Variants in TTC39B observed in about 807,000 individuals in gnomAD.
TTC39B encodes the protein tetratricopeptide repeat domain 39B.
In TTC39B, 92 loss-of-function variants were observed where a neutral mutation model predicts 96.6. The observed-to-expected ratio is 0.95, with a 90% CI of 0.80 to 1.13. The LOEUF is 1.13. TTC39B is among the 50% of genes most tolerant of loss of function. TTC39B has a pLI of 0.00. For missense variants in TTC39B, 955 were observed against 809.3 expected, an observed-to-expected ratio of 1.18 and a Z score of -2.18; for synonymous variants, 367 against 299.4, an observed-to-expected ratio of 1.23 and a Z score of -2.33.
At chr9:15,164,719 T>C (rs1251636577) in exon 20 of TTC39B, 2 of 146,358 alleles carry the variant, frequency 1.4e-5, no homozygotes, top group Non-Finnish European at 3.0e-5. Context: ...ATTCAGGTGT[T>C]TGGATGTTAA....
intron 2 of TTC39B, among the ~76,000 whole-genome samples, chr9:15,237,212 G>C (rs1821823311): frequency 1.3e-5 from 2 of 152,208 alleles, no homozygotes; most frequent in South Asian, 4.1e-4. Context: ...CTACTTGGGA[G>C]GCTGAGGCAG....
chr9:15,177,566 TG>T, intron 18 of TTC39B, 130 bp downstream of exon 18: 1 of 625,176 alleles, frequency 1.6e-6, no homozygotes, highest in Non-Finnish European at 2.8e-6. Context: ...AACACACTAC[TG>T]GATTTTCTTT....
At chr9:15,211,285 C>A (rs753437755) in exon 5 of TTC39B, 2 of 1,564,446 alleles carry the variant, frequency 1.3e-6, no homozygotes, top group African/African-American at 1.4e-5. Context: ...GTTTGTAAAG[C>A]GTCCTTCATG....
At chr9:15,274,541 G>A (rs1823469931) in intron 1 of TTC39B, among the ~76,000 whole-genome samples, 2 of 152,106 alleles carry the variant, frequency 1.3e-5, no homozygotes, top group Admixed American at 1.3e-4. Flanking sequence ...TAGCATCAAA[G>A]CAAGTCCTTT....
At chr9:15,288,315 A>C (rs903430831) in intron 1 of TTC39B, among the ~76,000 whole-genome samples, 8 of 152,180 alleles carry the variant, frequency 5.3e-5, no homozygotes, top group African/African-American at 1.9e-4. Flanking sequence ...CCCAAAAGTT[A>C]TCTTTCGGCC....
At chr9:15,217,352 C>CA (rs910352365) in intron 3 of TTC39B, among the ~76,000 whole-genome samples, 3 of 152,114 alleles carry the variant, frequency 2.0e-5, no homozygotes, top group Non-Finnish European at 4.4e-5. Flanking sequence ...GCCAAACATC[C>CA]ACCTCTGCAT....
At chr9:15,184,677 G>C (rs532454135) in intron 16 of TTC39B, among the ~76,000 whole-genome samples, 1 of 152,318 alleles carries the variant, frequency 6.6e-6, no homozygotes, top group African/African-American at 2.4e-5. Flanking sequence ...ACAGCCAGCA[G>C]CCAGTTATGG....
chr9:15,182,179 C>T, intron 17 of TTC39B, 128 bp downstream of exon 17: 2 of 558,012 alleles, frequency 3.6e-6, no homozygotes. Flanking sequence ...ACCCAGACCC[C>T]TGCAGCTCAA....
intron 17 of TTC39B, among the ~76,000 whole-genome samples, chr9:15,179,420 A>G (rs16932765): frequency 6.6e-6 from 1 of 152,196 alleles, no homozygotes; most frequent in Non-Finnish European, 1.5e-5. Context: ...AATGCTACTT[A>G]ACCAACCAGA....
intron 3 of TTC39B, 30 bp downstream of exon 3, chr9:15,225,887 C>T (rs771670425): frequency 6.3e-7 from 1 of 1,597,458 alleles, no homozygotes; most frequent in Non-Finnish European, 8.6e-7. Context: ...CTCCCCTCTT[C>T]CCCCAGGAAT....
intron 1 of TTC39B, among the ~76,000 whole-genome samples, chr9:15,299,092 A>G (rs1824485630): frequency 6.6e-6 from 1 of 152,170 alleles, no homozygotes; most frequent in Non-Finnish European, 1.5e-5. Flanking sequence ...CTCAGAACAC[A>G]CATGTCCCCA....
intron 8 of TTC39B, among the ~76,000 whole-genome samples, chr9:15,192,925 G>A (rs761895483): frequency 1.3e-5 from 2 of 152,124 alleles, no homozygotes; most frequent in Non-Finnish European, 2.9e-5. Context: ...AGTGTTTCTG[G>A]GCTTAAAGAG....
At chr9:15,177,597 G>A in intron 18 of TTC39B, 100 bp downstream of exon 18, 1 of 764,430 alleles carries the variant, frequency 1.3e-6, no homozygotes, top group Non-Finnish European at 2.2e-6. Context: ...CCAAGTAAGA[G>A]TTTAGCAGTA....
chr9:15,227,561 A>C (rs1352443641), intron 2 of TTC39B, among the ~76,000 whole-genome samples: 1 of 152,168 alleles, frequency 6.6e-6, no homozygotes, highest in African/African-American at 2.4e-5. Flanking sequence ...ATGTCATTAG[A>C]AGACAAGTTA....
At chr9:15,183,119 G>C (rs184609582) in intron 16 of TTC39B, among the ~76,000 whole-genome samples, 2 of 152,082 alleles carry the variant, frequency 1.3e-5, no homozygotes, top group Admixed American at 6.6e-5. Context: ...AGGGTAATTA[G>C]TATCTTCTTG....
At chr9:15,208,052 C>A (rs1197499384) in intron 6 of TTC39B, among the ~76,000 whole-genome samples, 9 of 148,338 alleles carry the variant, frequency 6.1e-5, no homozygotes, top group African/African-American at 1.5e-4. Context: ...ATTTTTGAGA[C>A]AGAGTATTAC....
chr9:15,198,218 G>C (rs1008362494), intron 8 of TTC39B, among the ~76,000 whole-genome samples: 1 of 152,070 alleles, frequency 6.6e-6, no homozygotes, highest in Non-Finnish European at 1.5e-5. Context: ...CAGCGCTTTG[G>C]GAGGCCAAGA....
intron 1 of TTC39B, among the ~76,000 whole-genome samples, chr9:15,275,584 T>C (rs12347336): frequency 0.26 from 39,595 of 152,090 alleles, 9,225 homozygotes; most frequent in African/African-American, 0.63. Flanking sequence ...AAGGAAGTCT[T>C]CTGGGAGAAG....
intron 15 of TTC39B, 61 bp from the exon 16 acceptor site, chr9:15,185,467 C>T: frequency 1.9e-6 from 3 of 1,598,686 alleles, no homozygotes; most frequent in Non-Finnish European, 1.7e-6. Context: ...ATTATTTGTA[C>T]CTGTGGTTTT....
Sources: allele counts gnomAD v4.1 joint callset (sites outside exome capture counted in the v4.1 genomes callset), GRCh38; gene constraint gnomAD v4.1.1; transcripts MANE v1.5; gene names NCBI Gene and HGNC (gene_info 2026-07-23, HGNC 2026-07-21).